ZHX3: variants seen among roughly 807,000 people sequenced by gnomAD.
ZHX3 encodes zinc fingers and homeoboxes protein 3.
A neutral mutation model predicts 64.5 loss-of-function variants in ZHX3; 20 were observed. The ratio of observed to expected loss-of-function variants is 0.31; its 90% CI spans 0.22 to 0.45. ZHX3 has a LOEUF of 0.45. Among genes scored for constraint, ZHX3 ranks in the 20% least tolerant of loss-of-function variants. The pLI is 1.00. For missense variants in ZHX3, 1,041 were observed against 1,195.8 expected, an observed-to-expected ratio of 0.87 and a Z score of 1.91; for synonymous variants, 423 against 461.6, an observed-to-expected ratio of 0.92 and a Z score of 1.07.
At chr20:41,192,048 G>A (rs1048895574) in intron 3 of ZHX3, among the ~76,000 whole-genome samples, 2 of 152,192 alleles carry the variant, frequency 1.3e-5, no homozygotes, top group African/African-American at 4.8e-5. Flanking sequence ...CAGGCCCCTG[G>A]GCAGCTGGCG....
At chr20:41,194,386 A>C (rs905389990) in intron 3 of ZHX3, among the ~76,000 whole-genome samples, 1 of 152,134 alleles carries the variant, frequency 6.6e-6, no homozygotes, top group African/African-American at 2.4e-5. Flanking sequence ...ATTGATATTC[A>C]TGTGCCAGGC....
chr20:41,244,699 G>A (rs1479038484), intron 2 of ZHX3, among the ~76,000 whole-genome samples: 1 of 152,134 alleles, frequency 6.6e-6, no homozygotes, highest in East Asian at 1.9e-4. Context: ...GTAAATCAAA[G>A]AAAGAGAAGA....
chr20:41,186,302 A>C (rs1389345842), intron 3 of ZHX3, among the ~76,000 whole-genome samples: 1 of 152,222 alleles, frequency 6.6e-6, no homozygotes, highest in Non-Finnish European at 1.5e-5. Flanking sequence ...AATGTTTTCA[A>C]GGTCCATCCA....
At chr20:41,315,693 A>G (rs2045269230) in intron 1 of ZHX3, among the ~76,000 whole-genome samples, 1 of 152,166 alleles carries the variant, frequency 6.6e-6, no homozygotes, top group Non-Finnish European at 1.5e-5. Context: ...CATAAAACAA[A>G]GATGTATCTC....
At chr20:41,284,405 T>C (rs1018740726) in intron 1 of ZHX3, among the ~76,000 whole-genome samples, 4 of 152,084 alleles carry the variant, frequency 2.6e-5, no homozygotes, top group Admixed American at 2.6e-4. Flanking sequence ...GATGGCCCAC[T>C]ACCTCCTAGG....
intron 1 of ZHX3, chr20:41,269,635 G>A (rs145448928): frequency 3.2e-4 from 49 of 152,278 alleles, no homozygotes; most frequent in Middle Eastern, 3.4e-3. Flanking sequence ...AACCAGAGAT[G>A]CTTCATGGGA....
In ZHX3 at chr20:41,204,727, G is replaced by C; in HGVS notation, c.190C>G (p.Leu64Val). The change falls in exon 3 of 4, where the codon CTG becomes GTG. Residue 64 changes from leucine (L) to valine (V), a missense_variant. Leu to Val is a conservative substitution (Grantham distance 32, BLOSUM62 1). Transcript: ENST00000683867. This position sits in a 1 kb window ranked among gnomAD's most constrained non-coding sequence, Gnocchi z 6.6. ...QNPSSTDGSTLANGHRSTLDG... is the reference protein window; with the variant it reads ...QNPSSTDGSTVANGHRSTLDG... Reference sequence around the variant, plus strand: ...AAAGTGCTCCGATGCCCATTGGCCAGTGTAGAGCCATCAGTACTGCTGGGG... The same window carrying C: ...AAAGTGCTCCGATGCCCATTGGCCACTGTAGAGCCATCAGTACTGCTGGGG... 4.3e-6 allele frequency: 7 copies of C among 1,614,260 alleles called. No homozygotes were observed. The highest frequency in any genetic ancestry group is 5.9e-6 in the Non-Finnish European group (7 of 1,180,054).
intron 2 of ZHX3, among the ~76,000 whole-genome samples, chr20:41,235,603 G>A (rs1325886219): frequency 2.6e-5 from 4 of 152,102 alleles, no homozygotes; most frequent in Non-Finnish European, 5.9e-5. Context: ...AATAAATTAG[G>A]TATTGATGGG....
Position 41,203,097 on chromosome 20 carries a change from T to G in ZHX3, c.1820A>C (p.Gln607Pro), listed in dbSNP as rs776498811. ...HPSAKRQSWHQTPDFTPTKYK... is the reference protein window; with the variant it reads ...HPSAKRQSWHPTPDFTPTKYK... ...TTTGGTTGGTGTGAAGTCAGGAGTC[T>G]GGTGCCAAGATTGTCGTTTGGCAGA... Residue 607 changes from glutamine to proline, a missense_variant, in exon 3 of 4, where the codon CAG becomes CCG. Physicochemically the swap from Gln to Pro is moderately conservative, Grantham distance 76 (BLOSUM62 -1). Coordinates refer to ENST00000683867, the MANE Select transcript of ZHX3 (RefSeq NM_001384317.1). The surrounding 1 kb of genome is among the most constrained non-coding windows in gnomAD (Gnocchi z 7.1). The G allele has an allele frequency of 6.2e-7, 1 of 1,614,140 alleles. No individual in the cohort carries two copies. The highest frequency in any genetic ancestry group is 1.1e-5 in the South Asian group (1 of 91,076).
intron 1 of ZHX3, among the ~76,000 whole-genome samples, chr20:41,280,049 C>T (rs6093462): frequency 0.43 from 65,918 of 151,986 alleles, 16,460 homozygotes; most frequent in East Asian, 0.76. Flanking sequence ...CCCACACAGG[C>T]GCTGGGACTA....
chr20:41,211,773 G>A (rs545090424), intron 2 of ZHX3, among the ~76,000 whole-genome samples: 2 of 152,248 alleles, frequency 1.3e-5, no homozygotes, highest in African/African-American at 4.8e-5. Context: ...ACATCTCTGG[G>A]CATACAGGAT....
intron 2 of ZHX3, among the ~76,000 whole-genome samples, chr20:41,235,758 A>T (rs2040935318): frequency 6.6e-6 from 1 of 152,202 alleles, no homozygotes; most frequent in Non-Finnish European, 1.5e-5. Context: ...ATAGTGTTGG[A>T]AGTTCTGGCC....
chr20:41,233,320 T>C (rs1034103754), intron 2 of ZHX3, among the ~76,000 whole-genome samples: 1 of 152,230 alleles, frequency 6.6e-6, no homozygotes, highest in African/African-American at 2.4e-5. Context: ...TTTACTGATC[T>C]CTGTCTGCCA....
At chr20:41,291,100 G>T (rs924407773) in intron 1 of ZHX3, among the ~76,000 whole-genome samples, 2 of 152,232 alleles carry the variant, frequency 1.3e-5, no homozygotes, top group African/African-American at 4.8e-5. Flanking sequence ...ATTGCCTCAG[G>T]TCATACAGCT....
chr20:41,211,657 A>C (rs774304773), intron 2 of ZHX3, among the ~76,000 whole-genome samples: 13 of 152,234 alleles, frequency 8.5e-5, no homozygotes, highest in Non-Finnish European at 1.6e-4. Flanking sequence ...CACAAGCTTC[A>C]TAAGTTTAAC....
chr20:41,248,405 C>G (rs1600498856), intron 2 of ZHX3, among the ~76,000 whole-genome samples: 2 of 152,128 alleles, frequency 1.3e-5, no homozygotes, highest in Admixed American at 6.5e-5. Flanking sequence ...AGAGCAGTTA[C>G]TTGGGAAATG....
chr20:41,256,935 T>C (rs1300648700), intron 2 of ZHX3, among the ~76,000 whole-genome samples: 1 of 152,024 alleles, frequency 6.6e-6, no homozygotes. Context: ...CTCAGCCCCC[T>C]CCCACCTTTT....
At chr20:41,282,568 C>T (rs1452617169) in intron 1 of ZHX3, among the ~76,000 whole-genome samples, 5 of 152,178 alleles carry the variant, frequency 3.3e-5, no homozygotes, top group South Asian at 2.1e-4. Context: ...CCATGTTGGG[C>T]GGGCTGTTCT....
At chr20:41,286,833 T>C (rs2043960421) in intron 1 of ZHX3, among the ~76,000 whole-genome samples, 1 of 152,076 alleles carries the variant, frequency 6.6e-6, no homozygotes, top group Non-Finnish European at 1.5e-5. Flanking sequence ...ATGGGGGTGG[T>C]TTCTCCATGC....
Sources: gnomAD v4.1 joint callset for allele counts (sites outside exome capture counted in the v4.1 genomes callset) on GRCh38, gnomAD v4.1.1 for gene constraint, Gnocchi (gnomAD v3.1) non-coding constraint, MANE v1.5 for transcripts, NCBI Gene and HGNC (gene_info 2026-07-23, HGNC 2026-07-21) for gene names.